CRY2: variants seen among roughly 807,000 people sequenced by gnomAD.
The protein encoded by CRY2 is cryptochrome circadian regulator 2.
In CRY2, 31 loss-of-function variants were observed where a neutral mutation model predicts 69.5. The ratio of observed to expected loss-of-function variants is 0.45; its 90% CI spans 0.34 to 0.60. The LOEUF (loss-of-function observed/expected upper bound fraction) is 0.60. Ranked by LOEUF, CRY2 falls within the 20% of genes least tolerant of loss-of-function variation. CRY2 has a pLI of 0.02. For synonymous variants in CRY2, 303 were observed against 312.2 expected, an observed-to-expected ratio of 0.97 and a Z score of 0.31; for missense variants, 606 against 797.8, an observed-to-expected ratio of 0.76 and a Z score of 2.90.
At chr11:45,848,391 G>A (rs17725095) in intron 1 of CRY2, among the ~76,000 whole-genome samples, 3,484 of 152,274 alleles carry the variant, frequency 0.023, 35 homozygotes, top group Middle Eastern at 0.054. Flanking sequence ...CCCTGCTCTG[G>A]AGCTTTGACC....
chr11:45,875,698 C>T (rs2086419950), intron 11 of CRY2, among the ~76,000 whole-genome samples: 1 of 152,050 alleles, frequency 6.6e-6, no homozygotes, highest in Non-Finnish European at 1.5e-5. Flanking sequence ...TGCAGACTTC[C>T]CTCCAAGACA....
Position 45,864,958 on chromosome 11 carries a change from C to T in CRY2, c.742-2654C>T, listed in dbSNP as rs142649953. Reference sequence around the variant, plus strand: ...TCCTTTTAGTAGAGACAGGGTTTCACCCTGTTGGCCTGACTGGTCTCAAAC... The same window carrying T: ...TCCTTTTAGTAGAGACAGGGTTTCATCCTGTTGGCCTGACTGGTCTCAAAC... On this transcript the variant is annotated intron_variant, in intron 5 of 11. Coordinates refer to ENST00000616080, the MANE Select transcript of CRY2 (RefSeq NM_021117.5). Among the ~76,000 whole-genome samples, 914 of 152,146 alleles carry T rather than the reference C, an allele frequency of 6.0e-3. 13 individuals carry two copies. The highest frequency in any genetic ancestry group is 0.02 in the Middle Eastern group (6 of 294).
rs1339681233 is a variant in CRY2, at chr11:45,860,702, C to G, written c.468-146C>G. ...AATGGAGATGCGGCCTCCCTTGCCC[C>G]CTCCTTTCCACTCAGGCATGGGACC... On this transcript the variant is annotated intron_variant, in intron 3 of 11. Coordinates refer to ENST00000616080, the MANE Select transcript of CRY2 (RefSeq NM_021117.5). The G allele has an allele frequency of 2.3e-5, 19 of 831,252 alleles. No homozygotes were observed. In the African/African-American group the frequency reaches 2.4e-4, roughly 10 times the overall value. The allele number at this position is 831,252 out of a possible 1,614,324, so 51.5% of individuals were successfully genotyped here. A position where few individuals can be genotyped will look rare whatever the true frequency, so the allele number is the denominator to read the frequency against.
At chr11:45,865,610 AC>A (rs1188323422) in intron 5 of CRY2, among the ~76,000 whole-genome samples, 1 of 152,196 alleles carries the variant, frequency 6.6e-6, no homozygotes, top group Non-Finnish European at 1.5e-5. Flanking sequence ...GGAAAGGAAG[AC>A]AGTGGTCCAG....
chr11:45,860,254 A>C (rs944587445), intron 3 of CRY2, among the ~76,000 whole-genome samples: 17 of 152,040 alleles, frequency 1.1e-4, no homozygotes, highest in African/African-American at 4.1e-4. Flanking sequence ...TATGAACTCT[A>C]GCTCCAGTCT....
chr11:45,850,364 T>A (rs895192073), intron 1 of CRY2, among the ~76,000 whole-genome samples: 25 of 152,226 alleles, frequency 1.6e-4, no homozygotes, highest in Non-Finnish European at 8.8e-5. Flanking sequence ...AGCACTGGAC[T>A]AGAGAACCTC....
intron 6 of CRY2, among the ~76,000 whole-genome samples, chr11:45,868,562 T>A (rs972428327): frequency 1.3e-5 from 2 of 151,240 alleles, no homozygotes; most frequent in Non-Finnish European, 3.0e-5. Flanking sequence ...CAAGCAATTG[T>A]CCTGCCTTGG....
chr11:45,869,808 C>T lies in CRY2; in HGVS notation c.1185C>T (p.Ser395=), dbSNP rs139676933. Residue 395 remains serine (S), a synonymous_variant, in exon 7 of 12, where the codon AGC becomes AGT. Coordinates refer to ENST00000616080, the MANE Select transcript of CRY2 (RefSeq NM_021117.5). ...TRGDLWVSWE[S]GVRVFDELLL... ...GGGACCTCTGGGTCAGCTGGGAGAGCGGGGTCCGGGTGAGTGCTCTCTCAA... is the reference window on the plus strand; with the variant it reads ...GGGACCTCTGGGTCAGCTGGGAGAGTGGGGTCCGGGTGAGTGCTCTCTCAA... 23 of 1,606,192 alleles carry T rather than the reference C, an allele frequency of 1.4e-5. No individual in the cohort carries two copies. The African/African-American group carries it at 1.9e-4, about 13-fold the overall frequency.
At chr11:45,863,464 C>T (rs1416705823) in intron 5 of CRY2, among the ~76,000 whole-genome samples, 2 of 152,058 alleles carry the variant, frequency 1.3e-5, no homozygotes, top group East Asian at 1.9e-4. Context: ...TATTCAGACT[C>T]AGTGGTGCCC....
rs1565056072 is a variant in CRY2, at chr11:45,853,925, A to G, written c.216-2057A>G. Among the ~76,000 whole-genome samples, 3 of 152,064 alleles carry G rather than the reference A, an allele frequency of 2.0e-5. No homozygotes were observed. In the South Asian group the frequency reaches 6.2e-4, roughly 32 times the overall value. ...TTCAACCTGTTTGTCTTCCATCCCA[A>G]CCTCTCAGAGAGTCTTCCTCATGCT... On this transcript the variant is annotated intron_variant, in intron 1 of 11. Coordinates refer to ENST00000616080, the MANE Select transcript of CRY2 (RefSeq NM_021117.5).
intron 3 of CRY2, 53 bp downstream of exon 3, chr11:45,858,926 G>T (rs1225293647): frequency 1.9e-6 from 3 of 1,589,982 alleles, no homozygotes; most frequent in African/African-American, 1.3e-5. Context: ...TTAGTAATTT[G>T]GGCCCCTGCT....
At chr11:45,874,508 G>A (rs141861655) in intron 11 of CRY2, among the ~76,000 whole-genome samples, 120 of 152,278 alleles carry the variant, frequency 7.9e-4, no homozygotes, top group African/African-American at 2.7e-3. Context: ...CACTCCTTCC[G>A]TACACATGTC....
At position 45,880,177 on chromosome 11, in the gene CRY2, C is replaced by G. The variant is rs546716995; in HGVS notation, c.*3-737C>G. Reference sequence around the variant, plus strand: ...GCCTACTTATTGTCTACCTCACCCACATTTAAACTGCACAAACTTTTAATG... The same window carrying G: ...GCCTACTTATTGTCTACCTCACCCAGATTTAAACTGCACAAACTTTTAATG... On this transcript the variant is annotated intron_variant, in intron 11 of 11. Transcript: ENST00000616080. Among the ~76,000 whole-genome samples, 36 of 152,302 alleles carry G rather than the reference C, an allele frequency of 2.4e-4. No homozygotes were observed. The East Asian group carries it at 6.6e-3, about 28-fold the overall frequency.
intron 1 of CRY2, among the ~76,000 whole-genome samples, chr11:45,849,682 G>A (rs899092641): frequency 2.0e-5 from 3 of 149,340 alleles, no homozygotes; most frequent in Non-Finnish European, 3.0e-5. Flanking sequence ...GTACAATGGC[G>A]CAGTCTGGAC....
intron 6 of CRY2, 92 bp downstream of exon 6, chr11:45,867,844 G>T: frequency 6.4e-7 from 1 of 1,565,546 alleles, no homozygotes. Context: ...ACTGGTGGGT[G>T]GGGGTTGGGC....
intron 4 of CRY2, 111 bp downstream of exon 4, chr11:45,861,143 C>A: frequency 1.6e-6 from 2 of 1,275,086 alleles, no homozygotes; most frequent in Admixed American, 2.7e-5. Context: ...CACAGGAAAA[C>A]AAAAATGGAA....
At position 45,847,490 on chromosome 11, in the gene CRY2, C is replaced by T. The variant is rs369643693; in HGVS notation, c.-1C>T. On this transcript the variant is annotated 5_prime_UTR_variant, in exon 1 of 12. Coordinates refer to ENST00000616080, the MANE Select transcript of CRY2 (RefSeq NM_021117.5). ...GGGTGGCTGGAGCAGTCTGGACAGT[C>T]ATGGCGGCGACTGTGGCGACGGCGG... is the stretch of plus-strand genomic sequence containing the variant. 1.3e-5 allele frequency: 21 copies of T among 1,599,174 alleles called. No homozygotes were observed. In the African/African-American group the frequency reaches 2.1e-4, roughly 16 times the overall value.
chr11:45,855,499 C>T (rs1195035633), intron 1 of CRY2, among the ~76,000 whole-genome samples: 1 of 152,180 alleles, frequency 6.6e-6, no homozygotes, highest in Admixed American at 6.6e-5. Flanking sequence ...CCACGTGAGT[C>T]TCACAACAAC....
At chr11:45,862,933 C>G (rs2086300072) in intron 5 of CRY2, among the ~76,000 whole-genome samples, 2 of 152,180 alleles carry the variant, frequency 1.3e-5, no homozygotes, top group Non-Finnish European at 2.9e-5. Flanking sequence ...TTTCCTGCCC[C>G]CTGCAGCTGG....
Sources: gnomAD v4.1 joint callset for allele counts (sites outside exome capture counted in the v4.1 genomes callset) on GRCh38, gnomAD v4.1.1 for gene constraint, MANE v1.5 for transcripts, NCBI Gene and HGNC (gene_info 2026-07-23, HGNC 2026-07-21) for gene names.